Variants in IWS1 observed in about 807,000 individuals in gnomAD.
IWS1 encodes protein IWS1 homolog.
IWS1 carries 27 observed loss-of-function variants against 86.7 expected under a neutral mutation model. The ratio of observed to expected loss-of-function variants is 0.31; its 90% CI spans 0.23 to 0.43. The LOEUF (loss-of-function observed/expected upper bound fraction) is 0.43, where lower values mean the gene tolerates loss of function less well. Among genes scored for constraint, IWS1 ranks in the 20% least tolerant of loss-of-function variants. IWS1 has a pLI of 1.00. For synonymous variants in IWS1, 313 were observed against 335.1 expected, an observed-to-expected ratio of 0.93 and a Z score of 0.72; for missense variants, 827 against 1,000.8, an observed-to-expected ratio of 0.83 and a Z score of 2.34.
intron 5 of IWS1, among the ~76,000 whole-genome samples, chr2:127,500,555 G>T (rs1454741868): frequency 6.6e-6 from 1 of 151,130 alleles, no homozygotes; most frequent in Non-Finnish European, 1.5e-5. Context: ...ATTTTCTTTT[G>T]GTCCATGTTT....
At chr2:127,516,541 C>G (rs1268533158) in intron 2 of IWS1, among the ~76,000 whole-genome samples, 1 of 152,024 alleles carries the variant, frequency 6.6e-6, no homozygotes, top group Non-Finnish European at 1.5e-5. Flanking sequence ...GTGGGAGGAA[C>G]CACTTGAGGT....
chr2:127,502,916 C>G (rs936030261), intron 4 of IWS1, 44 bp from the exon 5 acceptor site: 4 of 1,093,892 alleles, frequency 3.7e-6, no homozygotes, highest in Non-Finnish European at 5.5e-6. Context: ...GCTTTATCCT[C>G]ATTTGCATAG....
chr2:127,527,047 C>G (rs1025861435), upstream of IWS1, among the ~76,000 whole-genome samples: 3 of 152,194 alleles, frequency 2.0e-5, no homozygotes, highest in South Asian at 2.1e-4. Flanking sequence ...AGAAGGGTTC[C>G]CCTGATGAAA....
chr2:127,488,575 C>A (rs1044964748), intron 12 of IWS1, among the ~76,000 whole-genome samples: 3 of 152,218 alleles, frequency 2.0e-5, no homozygotes, highest in Admixed American at 1.3e-4. Flanking sequence ...AGCTGTATCA[C>A]TGCCTCAGTC....
chr2:127,483,094 A>G (rs765299702), intron 13 of IWS1: 2 of 152,208 alleles, frequency 1.3e-5, no homozygotes, highest in Admixed American at 6.5e-5. Flanking sequence ...TGAAAAAAAA[A>G]GAAATAATTT....
At position 127,526,355 on chromosome 2, in the gene IWS1, C is replaced by T. The variant is rs966871474; in HGVS notation, c.-147G>A. The T allele has an allele frequency of 7.0e-5, 108 of 1,537,026 alleles. No homozygotes were observed. The highest frequency in any genetic ancestry group is 8.7e-5 in the Non-Finnish European group (100 of 1,146,486). On this transcript the variant is annotated 5_prime_UTR_variant, in exon 1 of 14. Coordinates refer to ENST00000295321, the MANE Select transcript of IWS1 (RefSeq NM_017969.3). ...TTAACGGGTGCGGAGGGTAAGAAAG[C>T]GGTAGCGGCAAAGGCGAATTCTTTG...
Position 127,504,980 on chromosome 2 carries a change from T to G in IWS1, c.923A>C (p.Gln308Pro). 6.2e-7 allele frequency: 1 copy of G among 1,614,110 alleles called. No individual in the cohort carries two copies. Among genetic ancestry groups the G allele is most frequent in the Non-Finnish European group, 8.5e-7 (1 of 1,180,018 alleles). The change falls in exon 3 of 14, where the codon CAG (glutamine) becomes CCG (proline). Residue 308 changes from glutamine to proline, a missense_variant. By Grantham distance (76) the Gln-to-Pro change is moderately conservative (BLOSUM62 -1). Transcript: ENST00000295321. The part of the protein sequence containing the change: ...RVSDSESEGP[Q>P]KGPASDSETE... ...TTCTGAGTCACTGGCAGGCCCCTTC[T>G]GAGGCCCCTCACTCTCAGAGTCACT...
chr2:127,522,721 T>C (rs1692165429), intron 2 of IWS1, among the ~76,000 whole-genome samples: 1 of 152,252 alleles, frequency 6.6e-6, no homozygotes, highest in African/African-American at 2.4e-5. Context: ...ATCATTCCTA[T>C]TTGTTTCAGT....
chr2:127,481,013 GAGT>G lies in IWS1; in HGVS notation c.*28_*30del. ...CAAAGAGTCCATTGCGCATTTCTTA[GAGT>G]AGAGATGGGGACACATTCCAGGCAA... On this transcript the variant is annotated 3_prime_UTR_variant, in exon 14 of 14. Coordinates refer to ENST00000295321, the MANE Select transcript of IWS1 (RefSeq NM_017969.3). 6.3e-7 allele frequency: 1 copy of G among 1,583,348 alleles called. No homozygotes were observed. Among genetic ancestry groups the G allele is most frequent in the South Asian group, 1.2e-5 (1 of 85,676 alleles).
intron 2 of IWS1, among the ~76,000 whole-genome samples, chr2:127,515,496 C>T (rs10190872): frequency 0.13 from 19,473 of 152,090 alleles, 2,072 homozygotes; most frequent in African/African-American, 0.28. Context: ...ATACAGATTG[C>T]GCTAACAGAC....
chr2:127,515,642 G>C (rs1691728538), intron 2 of IWS1, among the ~76,000 whole-genome samples: 1 of 152,182 alleles, frequency 6.6e-6, no homozygotes, highest in Non-Finnish European at 1.5e-5. Context: ...GACCTCCCCA[G>C]TGAAAATTAT....
intron 13 of IWS1, among the ~76,000 whole-genome samples, chr2:127,481,555 C>T (rs1053239773): frequency 2.0e-5 from 3 of 152,162 alleles, no homozygotes; most frequent in Non-Finnish European, 4.4e-5. Context: ...TTGACATGCA[C>T]TTTCAAACAG....
chr2:127,507,730 G>A (rs1217677437), intron 2 of IWS1, among the ~76,000 whole-genome samples: 2 of 152,194 alleles, frequency 1.3e-5, no homozygotes, highest in African/African-American at 4.8e-5. Flanking sequence ...TCCTCAGAGT[G>A]CAGAATGGTC....
intron 13 of IWS1, among the ~76,000 whole-genome samples, chr2:127,483,604 C>CTGTG (rs1292081664): frequency 7.7e-5 from 2 of 26,032 alleles, no homozygotes; most frequent in African/African-American, 2.4e-4. Flanking sequence ...GGGGGTTGGG[C>CTGTG]TGTGTGTGTG....
chr2:127,503,935 A>G (rs1444092130), intron 3 of IWS1, among the ~76,000 whole-genome samples: 1 of 152,214 alleles, frequency 6.6e-6, no homozygotes, highest in Non-Finnish European at 1.5e-5. Context: ...GTTGCCTAGT[A>G]GTAACTGAAC....
In IWS1 at chr2:127,489,665, A is replaced by G; in HGVS notation, c.2159+167T>C. The G allele has an allele frequency of 1.6e-6, 1 of 614,454 alleles. No individual in the cohort carries two copies. 38.1% of individuals were successfully genotyped at this position (614,454 alleles called of 1,614,324 possible). ...TGGTTAGGAGGACAGGACCCTCACT[A>G]TACACTATCACATTTAAACTAAAAG... On this transcript the variant is annotated intron_variant, in intron 11 of 13. Transcript: ENST00000295321. The surrounding 1 kb of genome is among the most constrained non-coding windows in gnomAD (Gnocchi z 4.8).
At chr2:127,502,677 C>T (rs11883835) in intron 5 of IWS1, 138 bp downstream of exon 5, 133 of 478,022 alleles carry the variant, frequency 2.8e-4, no homozygotes, top group African/African-American at 2.5e-3. Flanking sequence ...CTTCCTGAAT[C>T]CCTCTTCTAG....
At chr2:127,517,295 G>T (rs77795797) in intron 2 of IWS1, among the ~76,000 whole-genome samples, 1 of 152,214 alleles carries the variant, frequency 6.6e-6, no homozygotes, top group African/African-American at 2.4e-5. Flanking sequence ...TTGGCTAAAA[G>T]AATCTTGAAA....
Position 127,485,997 on chromosome 2 carries a change from T to C in IWS1, c.2328+556A>G, listed in dbSNP as rs986676171. 5.2e-5 allele frequency: 8 copies of C among 153,672 alleles called. 1 individual carries two copies. Among genetic ancestry groups the C allele is most frequent in the East Asian group, 1.9e-4 (1 of 5,228 alleles). 9.5% of individuals were successfully genotyped at this position (153,672 alleles called of 1,614,324 possible). On this transcript the variant is annotated intron_variant, in intron 13 of 13. Coordinates refer to ENST00000295321, the MANE Select transcript of IWS1 (RefSeq NM_017969.3). Reference sequence around the variant, plus strand: ...TGTTCTGCAAATCGCCTCTTATGCTTTTCCAATCGGCTTAGGCCCTTTTTA... The same window carrying C: ...TGTTCTGCAAATCGCCTCTTATGCTCTTCCAATCGGCTTAGGCCCTTTTTA...
Sources: allele counts gnomAD v4.1 joint callset (sites outside exome capture counted in the v4.1 genomes callset), GRCh38; gene constraint gnomAD v4.1.1; non-coding constraint Gnocchi (gnomAD v3.1); transcripts MANE v1.5; gene names NCBI Gene and HGNC (gene_info 2026-07-23, HGNC 2026-07-21).